Variants in LLGL2 observed in about 807,000 individuals in gnomAD.
The protein encoded by LLGL2 is LLGL2, scribble cell polarity complex component.
In LLGL2, 81 loss-of-function variants were observed where a neutral mutation model predicts 123.2. The ratio of observed to expected loss-of-function variants is 0.66; its 90% CI spans 0.55 to 0.79. LLGL2 has a LOEUF of 0.79. Ranked by LOEUF, LLGL2 falls within the 30% of genes least tolerant of loss-of-function variation. The pLI is 0.00. For missense variants in LLGL2, 1,273 were observed against 1,414.6 expected, an observed-to-expected ratio of 0.90 and a Z score of 1.61; for synonymous variants, 577 against 594.1, an observed-to-expected ratio of 0.97 and a Z score of 0.42.
intron 2 of LLGL2, among the ~76,000 whole-genome samples, chr17:75,552,450 C>T (rs889838224): frequency 1.2e-4 from 19 of 152,236 alleles, no homozygotes; most frequent in Non-Finnish European, 2.5e-4. Flanking sequence ...GATCGTGCCA[C>T]TGCACTCCAG....
intron 22 of LLGL2, 104 bp from the exon 23 acceptor site, chr17:75,574,109 A>AGCCCTGG: frequency 1.9e-6 from 3 of 1,542,378 alleles, no homozygotes; most frequent in East Asian, 2.5e-5. Context: ...CATTCCTTCC[A>AGCCCTGG]GCCCTGGGCC....
intron 2 of LLGL2, among the ~76,000 whole-genome samples, chr17:75,550,722 A>G (rs903595898): frequency 2.0e-5 from 3 of 146,960 alleles, no homozygotes; most frequent in Admixed American, 7.1e-5. Flanking sequence ...AGGAGGTTAC[A>G]GTGAGCTGAG....
At chr17:75,557,879 A>C in intron 3 of LLGL2, 1 of 483,116 alleles carries the variant, frequency 2.1e-6, no homozygotes, top group Non-Finnish European at 3.8e-6. Context: ...GCAGCCTGAC[A>C]GTTGCCAGGG....
chr17:75,571,133 G>A, intron 17 of LLGL2, 33 bp downstream of exon 17: 2 of 1,513,272 alleles, frequency 1.3e-6, no homozygotes, highest in South Asian at 1.1e-5. Flanking sequence ...GGGGGCAGGG[G>A]GTAGTGGGCA....
intron 6 of LLGL2, chr17:75,562,789 C>G: frequency 1.7e-6 from 1 of 577,122 alleles, no homozygotes; most frequent in Admixed American, 3.0e-5. Context: ...AGGCTGCTCT[C>G]AAACTCCTGA....
chr17:75,544,733 G>A lies in LLGL2; in HGVS notation c.75+1232G>A, dbSNP rs1051052128. On this transcript the variant is annotated intron_variant, in intron 2 of 25. Transcript: ENST00000392550. This position sits in a 1 kb window ranked among gnomAD's most constrained non-coding sequence, Gnocchi z 4.2. ...CCTCCCTGACCTCCCCGTTGGGAGA[G>A]GTGGGTCAGCGCTCCCAATGTGCCC... Among the ~76,000 whole-genome samples, 2 of 152,288 alleles carry A rather than the reference G, an allele frequency of 1.3e-5. No homozygotes were observed. Among genetic ancestry groups the A allele is most frequent in the South Asian group, 4.1e-4 (2 of 4,824 alleles).
chr17:75,553,277 G>T (rs2147308248), intron 2 of LLGL2, among the ~76,000 whole-genome samples: 1 of 152,294 alleles, frequency 6.6e-6, no homozygotes, highest in Middle Eastern at 3.4e-3. Flanking sequence ...ATGACCATTT[G>T]CAGGGCAGGC....
At chr17:75,560,696 A>G (rs1661728) in intron 6 of LLGL2, among the ~76,000 whole-genome samples, 44,976 of 150,112 alleles carry the variant, frequency 0.3, 7,064 homozygotes, top group African/African-American at 0.39. Flanking sequence ...ATGGTGGTCA[A>G]ACTAGTCTCG....
In LLGL2 at chr17:75,559,449, C is replaced by T; in HGVS notation, c.530+39C>T. The stretch of plus-strand genomic sequence containing the variant: ...CCAGCTGCTGTTAACTCCATCCCCT[C>T]AAGTTAGGCATGGCTTCTCCCCTTG... On this transcript the variant is annotated intron_variant, in intron 6 of 25. Transcript: ENST00000392550. The surrounding 1 kb of genome is among the most constrained non-coding windows in gnomAD (Gnocchi z 4.6). 1 of 1,558,724 alleles carries T rather than the reference C, an allele frequency of 6.4e-7. No individual in the cohort carries two copies. Among genetic ancestry groups the T allele is most frequent in the South Asian group, 1.2e-5 (1 of 83,870 alleles).
rs138434820 is a variant in LLGL2 at position 75,543,867 on chromosome 17, A to T, written c.75+366A>T. Among the ~76,000 whole-genome samples, 1,107 of 152,206 alleles carry T rather than the reference A, an allele frequency of 7.3e-3. 11 individuals carry two copies. Among genetic ancestry groups the T allele is most frequent in the African/African-American group, 0.025 (1,051 of 41,522 alleles). ...TAGGGACGTGGGAGATGAAAGGATG[A>T]ACTCTTCAGGGGGTGATAATGTTCC... On this transcript the variant is annotated intron_variant, in intron 2 of 25. Transcript: ENST00000392550.
Position 75,559,271 on chromosome 17 carries a change from C to CA in LLGL2, c.392dup (p.Ile132AspfsTer120). On this transcript the variant is annotated frameshift_variant, in exon 6 of 26. Transcript: ENST00000392550. LOFTEE classifies it high-confidence loss of function. The surrounding 1 kb of genome is among the most constrained non-coding windows in gnomAD (Gnocchi z 4.6). ...TCACAGGGCTGCCCCCAGTGCCACA[C>CA]AGATCACCGTGGTCCTGCCACATTC... is the stretch of plus-strand genomic sequence containing the variant. 1.9e-6 allele frequency: 3 copies of CA among 1,609,768 alleles called. No homozygotes were observed. Among genetic ancestry groups the CA allele is most frequent in the Non-Finnish European group, 2.5e-6 (3 of 1,178,298 alleles).
intron 3 of LLGL2, among the ~76,000 whole-genome samples, chr17:75,557,607 C>G (rs902540973): frequency 2.0e-5 from 3 of 152,216 alleles, no homozygotes; most frequent in Non-Finnish European, 4.4e-5. Context: ...TTCCCCTCTG[C>G]CCGGTGTGGG....
At chr17:75,548,473 T>C (rs188423893) in intron 2 of LLGL2, among the ~76,000 whole-genome samples, 12 of 152,100 alleles carry the variant, frequency 7.9e-5, no homozygotes, top group African/African-American at 2.7e-4. Flanking sequence ...TACTCCCATG[T>C]CTGCACTTTC....
intron 14 of LLGL2, 43 bp from the exon 15 acceptor site, chr17:75,569,920 C>T: frequency 6.5e-7 from 1 of 1,542,118 alleles, no homozygotes; most frequent in Non-Finnish European, 8.8e-7. Flanking sequence ...GCCCTGCCGT[C>T]CCTTTGCTGA....
chr17:75,535,480 T>C (rs1361691216), intron 1 of LLGL2, among the ~76,000 whole-genome samples: 2 of 152,230 alleles, frequency 1.3e-5, no homozygotes, highest in Non-Finnish European at 2.9e-5. Context: ...TCAATGGAAC[T>C]TCCCGAGCTA....
chr17:75,541,049 G>T lies in LLGL2; in HGVS notation c.-30-2348G>T, dbSNP rs912915667. Among the ~76,000 whole-genome samples, 15 of 152,280 alleles carry T rather than the reference G, an allele frequency of 9.9e-5. No individual in the cohort carries two copies. The East Asian group carries it at 2.1e-3, about 22-fold the overall frequency. Reference sequence around the variant, plus strand: ...ACACTCACTCCCTACTGCACAGCAGGTGCCCCAGGGAGCATTTGGGTGGGT... The same window carrying T: ...ACACTCACTCCCTACTGCACAGCAGTTGCCCCAGGGAGCATTTGGGTGGGT... On this transcript the variant is annotated intron_variant, in intron 1 of 25. Transcript: ENST00000392550.
chr17:75,571,629 C>A, intron 17 of LLGL2, 38 bp from the exon 18 acceptor site: 2 of 1,509,234 alleles, frequency 1.3e-6, no homozygotes, highest in South Asian at 1.1e-5. Flanking sequence ...CCGACTCCCA[C>A]GCTAAGGGTC....
In LLGL2 at chr17:75,558,583, G is replaced by A. The variant is rs143012040; in HGVS notation, c.327G>A (p.Ser109=). 480 of 1,611,160 alleles carry A rather than the reference G, an allele frequency of 3.0e-4. No individual in the cohort carries two copies. Among genetic ancestry groups the A allele is most frequent in the Non-Finnish European group, 3.7e-4 (442 of 1,178,942 alleles). ...LWSLKVKGGA[S]ELQEDESFTL... ...GCCTGAAGGTCAAGGGCGGGGCATC[G>A]GAGCTGCAGGAGGATGAGAGCTTCA... Residue 109 remains serine, a synonymous_variant, in exon 5 of 26, where the codon TCG becomes TCA. Coordinates refer to ENST00000392550, the MANE Select transcript of LLGL2 (RefSeq NM_001031803.2). This position sits in a 1 kb window ranked among gnomAD's most constrained non-coding sequence, Gnocchi z 4.0.
At position 75,555,998 on chromosome 17, in the gene LLGL2, G is replaced by A. The variant is rs148825089; in HGVS notation, c.76-48G>A. 7,574 of 1,457,766 alleles carry A rather than the reference G, an allele frequency of 5.2e-3. 36 individuals are homozygous for A. Among genetic ancestry groups the A allele is most frequent in the Non-Finnish European group, 5.3e-3 (5,589 of 1,049,982 alleles). The allele number at this position is 1,457,766 out of a possible 1,614,324, so 90.3% of individuals were successfully genotyped here. ...CTGCAGCTGCAGCAGCCATGGTGGCGCGAAGGGGACAGGTCTGCAGGCCCA... is the reference window on the plus strand; with the variant it reads ...CTGCAGCTGCAGCAGCCATGGTGGCACGAAGGGGACAGGTCTGCAGGCCCA... On this transcript the variant is annotated intron_variant, in intron 2 of 25. Coordinates refer to ENST00000392550, the MANE Select transcript of LLGL2 (RefSeq NM_001031803.2).
Sources: gnomAD v4.1 joint callset for allele counts (sites outside exome capture counted in the v4.1 genomes callset) on GRCh38, gnomAD v4.1.1 for gene constraint, Gnocchi (gnomAD v3.1) non-coding constraint, MANE v1.5 for transcripts, NCBI Gene and HGNC (gene_info 2026-07-23, HGNC 2026-07-21) for gene names.